Variants in ZBTB20 observed in about 807,000 individuals in gnomAD.
The protein encoded by ZBTB20 is zinc finger and BTB domain-containing protein 20.
ZBTB20 carries 9 observed loss-of-function variants against 56.9 expected under a neutral mutation model. The observed-to-expected ratio is 0.16, with a 90% CI of 0.10 to 0.28. ZBTB20 has a LOEUF of 0.28. Among genes scored for constraint, ZBTB20 ranks in the 10% least tolerant of loss-of-function variants. The probability of loss-of-function intolerance (pLI) is 1.00; values close to 1 mark genes in which losing one functional copy is unlikely to be tolerated. For missense variants in ZBTB20, 655 were observed against 1,003.0 expected, an observed-to-expected ratio of 0.65 and a Z score of 4.69; for synonymous variants, 417 against 420.7, an observed-to-expected ratio of 0.99 and a Z score of 0.11.
intron 6 of ZBTB20, among the ~76,000 whole-genome samples, chr3:114,692,840 AG>A (rs2108322717): frequency 6.6e-6 from 1 of 152,310 alleles, no homozygotes; most frequent in East Asian, 1.9e-4. Flanking sequence ...CAAGACACCT[AG>A]AAAAATCTTC....
intron 6 of ZBTB20, among the ~76,000 whole-genome samples, chr3:114,561,019 C>A (rs2051964048): frequency 6.6e-6 from 1 of 152,140 alleles, no homozygotes. Context: ...AGAATCTTTA[C>A]CAGGAGTAGA....
intron 7 of ZBTB20, among the ~76,000 whole-genome samples, chr3:114,440,544 A>C (rs191184228): frequency 1.3e-5 from 2 of 152,134 alleles, no homozygotes; most frequent in African/African-American, 4.8e-5. Context: ...CTATTGATAA[A>C]TGTGGTTGCT....
chr3:114,860,364 A>G (rs763310297), intron 4 of ZBTB20, among the ~76,000 whole-genome samples: 12 of 152,214 alleles, frequency 7.9e-5, no homozygotes, highest in Non-Finnish European at 1.5e-4. Flanking sequence ...GTGTTTTACA[A>G]AATGATTTGC....
At chr3:115,128,530 G>A (rs770401443) in intron 1 of ZBTB20, among the ~76,000 whole-genome samples, 46 of 151,888 alleles carry the variant, frequency 3.0e-4, no homozygotes, top group Admixed American at 2.8e-3. Flanking sequence ...TGGGTGTGGC[G>A]GCACATGCCT....
intron 4 of ZBTB20, among the ~76,000 whole-genome samples, chr3:114,848,087 A>C (rs774649823): frequency 6.6e-6 from 1 of 152,162 alleles, no homozygotes; most frequent in Non-Finnish European, 1.5e-5. Flanking sequence ...AAAGCCTGTA[A>C]TATTATCTAG....
At chr3:115,042,319 T>A (rs1259285919) in intron 2 of ZBTB20, among the ~76,000 whole-genome samples, 1 of 152,198 alleles carries the variant, frequency 6.6e-6, no homozygotes, top group East Asian at 1.9e-4. Flanking sequence ...TTATTTTCAC[T>A]TTTTTATAAA....
chr3:114,455,164 A>AG (rs1374878639), intron 7 of ZBTB20, among the ~76,000 whole-genome samples: 1 of 151,744 alleles, frequency 6.6e-6, no homozygotes, highest in Non-Finnish European at 1.5e-5. Flanking sequence ...GGAGAAGGAG[A>AG]GAGAGCGCGA....
At chr3:114,648,156 TTTA>T (rs934593361) in intron 6 of ZBTB20, among the ~76,000 whole-genome samples, 31 of 151,824 alleles carry the variant, frequency 2.0e-4, no homozygotes, top group Non-Finnish European at 3.8e-4. Context: ...CAATAAAAAA[TTTA>T]TTGAGAAAAC....
intron 6 of ZBTB20, among the ~76,000 whole-genome samples, chr3:114,608,500 T>C (rs2057329020): frequency 2.0e-5 from 3 of 152,184 alleles, no homozygotes; most frequent in African/African-American, 7.2e-5. Context: ...TGGAGAAAAC[T>C]TTGTACAATA....
At chr3:115,050,212 A>C (rs2081490955) in intron 2 of ZBTB20, among the ~76,000 whole-genome samples, 1 of 152,072 alleles carries the variant, frequency 6.6e-6, no homozygotes, top group African/African-American at 2.4e-5. Flanking sequence ...AATTTTATAA[A>C]TGTATGTGAC....
At chr3:114,524,961 G>C (rs1263453599) in intron 6 of ZBTB20, among the ~76,000 whole-genome samples, 1 of 152,100 alleles carries the variant, frequency 6.6e-6, no homozygotes, top group Non-Finnish European at 1.5e-5. Flanking sequence ...CAATCCACCT[G>C]CCTTGGCCTC....
intron 4 of ZBTB20, among the ~76,000 whole-genome samples, chr3:114,872,640 T>TA (rs560844817): frequency 0.025 from 3,281 of 132,508 alleles, 42 homozygotes; most frequent in South Asian, 0.04. Context: ...TTGCCAGAAA[T>TA]AAAAAAAAAA....
chr3:114,736,537 T>C (rs1313685483), intron 5 of ZBTB20, among the ~76,000 whole-genome samples: 1 of 152,214 alleles, frequency 6.6e-6, no homozygotes. Flanking sequence ...AGTTCTGCAT[T>C]TGGTTTTCTG....
At chr3:114,785,487 A>C (rs1472050901) in intron 5 of ZBTB20, among the ~76,000 whole-genome samples, 1 of 152,148 alleles carries the variant, frequency 6.6e-6, no homozygotes, top group Non-Finnish European at 1.5e-5. Flanking sequence ...TGGTTATCTT[A>C]GGGGGTGACA....
chr3:114,426,830 T>C (rs944313850), intron 7 of ZBTB20, among the ~76,000 whole-genome samples: 4 of 152,198 alleles, frequency 2.6e-5, no homozygotes, highest in African/African-American at 9.7e-5. Context: ...TATTTTTAAT[T>C]GTGTATTGTA....
At position 114,328,145 on chromosome 3, in the gene ZBTB20, T is replaced by C. The variant is rs1364308917; in HGVS notation, c.*10860A>G. On this transcript the variant is annotated 3_prime_UTR_variant, in exon 12 of 12. Coordinates refer to ENST00000675478, the MANE Select transcript of ZBTB20 (RefSeq NM_001348800.3). ...AGTTTATGTTTAGGCAATCTCTGGTTGCAAAAACAGACACTTTCAAAACTT... is the reference window on the plus strand; with the variant it reads ...AGTTTATGTTTAGGCAATCTCTGGTCGCAAAAACAGACACTTTCAAAACTT... The C allele has an allele frequency of 6.6e-6, 1 of 152,194 alleles. No individual in the cohort carries two copies. The highest frequency in any genetic ancestry group is 1.5e-5 in the Non-Finnish European group (1 of 68,030). 9.4% of individuals were successfully genotyped at this position (152,194 alleles called of 1,614,324 possible).
intron 6 of ZBTB20, among the ~76,000 whole-genome samples, chr3:114,555,100 C>T (rs1316279591): frequency 6.6e-6 from 1 of 152,056 alleles, no homozygotes; most frequent in Non-Finnish European, 1.5e-5. Flanking sequence ...CTTGAAGAAG[C>T]TAATTGTATT....
At chr3:114,972,060 T>G (rs2077906548) in intron 3 of ZBTB20, among the ~76,000 whole-genome samples, 1 of 152,232 alleles carries the variant, frequency 6.6e-6, no homozygotes, top group Admixed American at 6.5e-5. Context: ...TATAGAATGT[T>G]GACCAACACT....
At position 114,733,644 on chromosome 3, in the gene ZBTB20, C is replaced by T. The variant is rs559391506; in HGVS notation, c.-342-40069G>A. Among the ~76,000 whole-genome samples the T allele has an allele frequency of 7.9e-5, 12 of 152,196 alleles. No individual in the cohort carries two copies. In the South Asian group the frequency reaches 2.5e-3, roughly 32 times the overall value. ...TCACCCTCCTTCATCTTGGGAGCTT[C>T]CAAAACTAGAAGCCAAGAGAATTAA... is the stretch of plus-strand genomic sequence containing the variant. On this transcript the variant is annotated intron_variant, in intron 5 of 11. Transcript: ENST00000675478.
Sources: gnomAD v4.1 joint callset for allele counts (sites outside exome capture counted in the v4.1 genomes callset) on GRCh38, gnomAD v4.1.1 for gene constraint, MANE v1.5 for transcripts, NCBI Gene and HGNC (gene_info 2026-07-23, HGNC 2026-07-21) for gene names.